Variants in VPS53 observed in about 807,000 individuals in gnomAD.
VPS53 encodes vacuolar protein sorting-associated protein 53 homolog.
Under a neutral mutation model 107.0 loss-of-function variants are expected in VPS53, and 70 were observed. That is an observed-to-expected ratio of 0.65 (90% confidence interval 0.54 to 0.80). The LOEUF is 0.80. Ranked by LOEUF, VPS53 falls within the 30% of genes least tolerant of loss-of-function variation. The pLI is 0.00. For synonymous variants in VPS53, 409 were observed against 393.3 expected (o/e 1.04, Z -0.47); for missense variants, 917 against 1,049.4 (o/e 0.87, Z 1.74).
rs200157618 is a variant in VPS53, at chr17:669,592, T to TAAAAAAAAAAAA, written c.286-7709_286-7698dup. 3.3e-4 allele frequency among the ~76,000 whole-genome samples: 36 copies of TAAAAAAAAAAAA among 110,268 alleles called. 1 individual carries two copies. In the East Asian group the frequency reaches 4.0e-3, roughly 12 times the overall value. The allele number at this position is 110,268 out of a possible 152,430, so 72.3% of individuals were successfully genotyped here. ...TGGGTGACAGAGACATACTCTGTCTTAAAAAAAAAAAAAAAATTAGGCCAG... is the reference window on the plus strand; with the variant it reads ...TGGGTGACAGAGACATACTCTGTCTTAAAAAAAAAAAAAAAAAAAAAAAAAAAATTAGGCCAG... On this transcript the variant is annotated intron_variant, in intron 4 of 21. Transcript: ENST00000437048.
chr17:565,618 G>C (rs1022700972), intron 13 of VPS53, among the ~76,000 whole-genome samples: 1 of 151,772 alleles, frequency 6.6e-6, no homozygotes, highest in African/African-American at 2.4e-5. Flanking sequence ...CTTTCCCACT[G>C]AATCTCCCAC....
chr17:594,044 TA>T, intron 12 of VPS53, among the ~76,000 whole-genome samples: 1 of 152,012 alleles, frequency 6.6e-6, no homozygotes, highest in Non-Finnish European at 1.5e-5. Context: ...TCATTCTCAG[TA>T]AACTATCGCA....
chr17:555,996 A>G (rs931351573), intron 15 of VPS53, among the ~76,000 whole-genome samples: 1 of 152,312 alleles, frequency 6.6e-6, no homozygotes, highest in Admixed American at 6.5e-5. Context: ...TAATCTGAGC[A>G]GGCTGGACCC....
rs1019154726 is a variant in VPS53 at position 571,913 on chromosome 17, C to T, written c.1314-9168G>A. On this transcript the variant is annotated intron_variant, in intron 13 of 21. Transcript: ENST00000437048. ...CGCTACAACCTCCACCTCCCAGCCG[C>T]CTGCCTTGGCCTCCCAAAGTGCCCA... is the stretch of plus-strand genomic sequence containing the variant. 2.0e-5 allele frequency among the ~76,000 whole-genome samples: 3 copies of T among 152,322 alleles called. No individual in the cohort carries two copies. In the South Asian group the frequency reaches 6.2e-4, roughly 32 times the overall value.
intron 13 of VPS53, among the ~76,000 whole-genome samples, chr17:574,802 T>A (rs1471166750): frequency 6.6e-6 from 1 of 152,182 alleles, no homozygotes; most frequent in Non-Finnish European, 1.5e-5. Flanking sequence ...ACCCAGTAAC[T>A]TTTAAGCCTT....
At chr17:624,358 C>T (rs959798655) in intron 10 of VPS53, among the ~76,000 whole-genome samples, 11 of 152,118 alleles carry the variant, frequency 7.2e-5, no homozygotes, top group African/African-American at 2.2e-4. Context: ...TGGAAACACA[C>T]GCAAGGGACA....
At chr17:606,465 A>G (rs1363495215) in intron 11 of VPS53, among the ~76,000 whole-genome samples, 1 of 152,124 alleles carries the variant, frequency 6.6e-6, no homozygotes, top group African/African-American at 2.4e-5. Flanking sequence ...CGTGAGCTAC[A>G]CAGTTACGTG....
intron 8 of VPS53, among the ~76,000 whole-genome samples, chr17:630,789 G>C (rs574003923): frequency 1.3e-5 from 2 of 152,178 alleles, no homozygotes; most frequent in Non-Finnish European, 2.9e-5. Context: ...CACCGAGTAG[G>C]GTGAGGCTCC....
Position 593,459 on chromosome 17 carries a change from C to T in VPS53, c.1219-7095G>A, listed in dbSNP as rs1174211220. ...TCTACAATGAACTCAAACAAATTTA[C>T]AAGAAAAAAACAAACAGCCCCATCA... is the stretch of plus-strand genomic sequence containing the variant. On this transcript the variant is annotated intron_variant, in intron 12 of 21. Transcript: ENST00000437048. 1.5e-3 allele frequency among the ~76,000 whole-genome samples: 222 copies of T among 152,096 alleles called. 1 individual carries two copies. The highest frequency in any genetic ancestry group is 3.4e-3 in the Middle Eastern group (1 of 294).
At chr17:638,108 G>T (rs1419518852) in intron 7 of VPS53, among the ~76,000 whole-genome samples, 2 of 152,176 alleles carry the variant, frequency 1.3e-5, no homozygotes, top group African/African-American at 4.8e-5. Context: ...CCTGTATTGG[G>T]TGCATATATA....
intron 7 of VPS53, among the ~76,000 whole-genome samples, chr17:637,457 C>T (rs544014205): frequency 5.9e-5 from 9 of 152,234 alleles, no homozygotes; most frequent in South Asian, 4.1e-4. Context: ...TTGACTTCTG[C>T]GAGCTTTTGA....
chr17:560,657 A>C (rs1912865096), intron 14 of VPS53, 84 bp from the exon 15 acceptor site: 2 of 1,508,622 alleles, frequency 1.3e-6, no homozygotes, highest in African/African-American at 1.4e-5. Flanking sequence ...TAAGATACAG[A>C]AAAGGGGGAA....
chr17:652,447 G>A (rs1481713723), intron 7 of VPS53, among the ~76,000 whole-genome samples: 1 of 152,220 alleles, frequency 6.6e-6, no homozygotes, highest in Non-Finnish European at 1.5e-5. Context: ...GACTATGGCA[G>A]AAGTGATGCT....
intron 12 of VPS53, among the ~76,000 whole-genome samples, chr17:591,215 G>A (rs909366108): frequency 3.2e-3 from 414 of 131,178 alleles, no homozygotes; most frequent in Admixed American, 7.9e-3. Flanking sequence ...CTGTGGGATC[G>A]GTGGTGATAT....
intron 4 of VPS53, among the ~76,000 whole-genome samples, chr17:668,723 A>C (rs1489329007): frequency 6.6e-6 from 1 of 152,148 alleles, no homozygotes; most frequent in East Asian, 1.9e-4. Flanking sequence ...CAAACACCCT[A>C]AAACATATGA....
At chr17:522,313 T>C (rs1908822280) in intron 19 of VPS53, among the ~76,000 whole-genome samples, 1 of 152,248 alleles carries the variant, frequency 6.6e-6, no homozygotes, top group African/African-American at 2.4e-5. Context: ...TGTATGTATA[T>C]TCAATTTTAT....
intron 15 of VPS53, among the ~76,000 whole-genome samples, chr17:554,502 T>G (rs1175484574): frequency 1.3e-5 from 2 of 152,048 alleles, no homozygotes; most frequent in African/African-American, 4.8e-5. Context: ...CTCCAGGGTT[T>G]AAGTGATTCT....
At chr17:645,832 A>G (rs201287035) in intron 7 of VPS53, among the ~76,000 whole-genome samples, 3,894 of 127,462 alleles carry the variant, frequency 0.031, 53 homozygotes, top group East Asian at 0.074. Context: ...TTTCTAATCC[A>G]TATCACGGAC....
intron 3 of VPS53, among the ~76,000 whole-genome samples, chr17:697,750 T>C (rs1237965551): frequency 2.0e-5 from 3 of 152,224 alleles, no homozygotes; most frequent in African/African-American, 4.8e-5. Context: ...AAAGGACTAA[T>C]AAAATCTGCA....
Sources: gnomAD v4.1 joint callset for allele counts (sites outside exome capture counted in the v4.1 genomes callset) on GRCh38, gnomAD v4.1.1 for gene constraint, MANE v1.5 for transcripts, NCBI Gene and HGNC (gene_info 2026-07-23, HGNC 2026-07-21) for gene names.